The following DLG2 variants were observed in gnomAD, a reference collection of about 807,000 sequenced individuals.
DLG2 encodes disks large homolog 2.
In DLG2, 45 loss-of-function variants were observed where a neutral mutation model predicts 132.5. That is an observed-to-expected ratio of 0.34 (90% CI 0.27 to 0.44). DLG2 has a LOEUF of 0.44. Among genes scored for constraint, DLG2 ranks in the 20% least tolerant of loss-of-function variants. The pLI, the probability that DLG2 is intolerant of heterozygous loss-of-function variation, is 1.00. For synonymous variants in DLG2, 424 were observed against 419.6 expected, an observed-to-expected ratio of 1.01 and a Z score of -0.13; for missense variants, 1,045 against 1,196.9, an observed-to-expected ratio of 0.87 and a Z score of 1.87.
chr11:84,245,847 C>T (rs2097295764), intron 8 of DLG2, among the ~76,000 whole-genome samples: 2 of 152,122 alleles, frequency 1.3e-5, no homozygotes, highest in East Asian at 1.9e-4. Flanking sequence ...AGATTCTCAG[C>T]CCTTTATTTA....
intron 6 of DLG2, among the ~76,000 whole-genome samples, chr11:84,568,663 A>G (rs1330853509): frequency 6.6e-6 from 1 of 152,208 alleles, no homozygotes; most frequent in African/African-American, 2.4e-5. Flanking sequence ...AAACCTGCCC[A>G]GGCAAAGAGA....
intron 19 of DLG2, among the ~76,000 whole-genome samples, chr11:83,594,321 A>G (rs891956643): frequency 1.3e-5 from 2 of 152,206 alleles, no homozygotes; most frequent in Non-Finnish European, 2.9e-5. Flanking sequence ...CCTGATTGGT[A>G]TGTACTGTGG....
At chr11:85,214,248 CTTGA>C (rs2082434076) in intron 4 of DLG2, among the ~76,000 whole-genome samples, 1 of 152,102 alleles carries the variant, frequency 6.6e-6, no homozygotes, top group Non-Finnish European at 1.5e-5. Flanking sequence ...TAGCTCTCGT[CTTGA>C]TTATTAGGAC....
intron 17 of DLG2, among the ~76,000 whole-genome samples, chr11:83,796,769 A>T (rs1013688482): frequency 2.6e-5 from 4 of 152,332 alleles, no homozygotes; most frequent in Admixed American, 1.3e-4. Flanking sequence ...TTTAAAAAGT[A>T]TCCACTTAGT....
chr11:85,000,222 T>C (rs1023292272), intron 6 of DLG2, among the ~76,000 whole-genome samples: 3 of 152,102 alleles, frequency 2.0e-5, no homozygotes, highest in Non-Finnish European at 4.4e-5. Flanking sequence ...ATTTGTACAG[T>C]ATTTTTTTCC....
intron 18 of DLG2, among the ~76,000 whole-genome samples, chr11:83,743,208 G>C (rs1352830440): frequency 6.6e-6 from 1 of 151,964 alleles, no homozygotes; most frequent in East Asian, 1.9e-4. Flanking sequence ...TCTGCTAATG[G>C]GACTACCCTC....
At chr11:83,636,526 G>T (rs561071390) in intron 18 of DLG2, among the ~76,000 whole-genome samples, 1 of 151,992 alleles carries the variant, frequency 6.6e-6, no homozygotes, top group East Asian at 1.9e-4. Flanking sequence ...TAATTCCAAG[G>T]CTTTATTTCC....
chr11:85,440,916 T>C (rs1344230956), intron 3 of DLG2, among the ~76,000 whole-genome samples: 2 of 152,204 alleles, frequency 1.3e-5, no homozygotes, highest in East Asian at 1.9e-4. Flanking sequence ...AGATCTCAAA[T>C]AGACTTCCTC....
chr11:84,516,733 C>T (rs72943753), intron 7 of DLG2, among the ~76,000 whole-genome samples: 10 of 150,752 alleles, frequency 6.6e-5, no homozygotes, highest in Non-Finnish European at 1.3e-4. Flanking sequence ...ACCCTGATAC[C>T]AAAGCCAAAC....
chr11:83,797,959 T>C (rs899434098), intron 17 of DLG2, among the ~76,000 whole-genome samples: 7 of 152,238 alleles, frequency 4.6e-5, no homozygotes, highest in Non-Finnish European at 5.9e-5. Context: ...GTCATTCTTG[T>C]GCCCCAGGAG....
intron 6 of DLG2, among the ~76,000 whole-genome samples, chr11:84,703,104 C>T (rs1033117249): frequency 6.6e-6 from 1 of 151,556 alleles, no homozygotes; most frequent in African/African-American, 2.4e-5. Flanking sequence ...GTTTTACACA[C>T]TTAAAAGGGG....
At chr11:83,801,686 C>A (rs941606139) in intron 17 of DLG2, among the ~76,000 whole-genome samples, 7 of 152,234 alleles carry the variant, frequency 4.6e-5, no homozygotes, top group Non-Finnish European at 8.8e-5. Flanking sequence ...AAAGTAGCCT[C>A]CCAGCCTATC....
At chr11:85,118,418 G>A (rs908485424) in intron 5 of DLG2, among the ~76,000 whole-genome samples, 1 of 152,168 alleles carries the variant, frequency 6.6e-6, no homozygotes, top group African/African-American at 2.4e-5. Context: ...TAGTGCATAA[G>A]AGGATTAAAC....
intron 26 of DLG2, among the ~76,000 whole-genome samples, chr11:83,464,190 G>A (rs891523588): frequency 2.4e-4 from 36 of 152,212 alleles, no homozygotes. Context: ...AAAGGGAACA[G>A]AAGTCAGATG....
intron 7 of DLG2, among the ~76,000 whole-genome samples, chr11:84,370,233 A>C (rs2154428259): frequency 6.6e-6 from 1 of 152,270 alleles, no homozygotes; most frequent in Non-Finnish European, 1.5e-5. Flanking sequence ...CTCACCTAAA[A>C]GTGGTATAGG....
intron 6 of DLG2, among the ~76,000 whole-genome samples, chr11:84,650,870 T>TA (rs1565561026): frequency 2.3e-4 from 19 of 83,346 alleles, no homozygotes; most frequent in Non-Finnish European, 3.0e-4. Context: ...TGTGTGTGTG[T>TA]GTGTATATAT....
intron 6 of DLG2, among the ~76,000 whole-genome samples, chr11:84,890,122 T>C (rs2089093300): frequency 6.6e-6 from 1 of 152,226 alleles, no homozygotes; most frequent in Non-Finnish European, 1.5e-5. Context: ...ATTTTCTAGA[T>C]GGCAAAATGT....
chr11:85,424,553 C>T (rs2090567823), intron 3 of DLG2, among the ~76,000 whole-genome samples: 1 of 152,132 alleles, frequency 6.6e-6, no homozygotes, highest in South Asian at 2.1e-4. Flanking sequence ...ACATTTAAAC[C>T]AGTTTGCATT....
chr11:84,293,915 A>T (rs2098047486), intron 7 of DLG2, among the ~76,000 whole-genome samples: 1 of 152,220 alleles, frequency 6.6e-6, no homozygotes, highest in Admixed American at 6.5e-5. Context: ...ACAGAAAAAA[A>T]CAAAATGGGG....
Sources: gnomAD v4.1 joint callset for allele counts (sites outside exome capture counted in the v4.1 genomes callset) on GRCh38, gnomAD v4.1.1 for gene constraint, MANE v1.5 for transcripts, NCBI Gene and HGNC (gene_info 2026-07-23, HGNC 2026-07-21) for gene names.